Variants in CBLIF observed in about 807,000 individuals in gnomAD.
The protein encoded by CBLIF is cobalamin binding intrinsic factor, also known as gastric intrinsic factor (vitamin B synthesis).
CBLIF carries 24 observed loss-of-function variants against 44.9 expected under a neutral mutation model. The observed-to-expected ratio is 0.53, with a 90% CI of 0.39 to 0.75. The LOEUF (loss-of-function observed/expected upper bound fraction) is 0.75. Among genes scored for constraint, CBLIF ranks in the 30% least tolerant of loss-of-function variants. CBLIF has a pLI of 0.00. For synonymous variants in CBLIF, 183 were observed against 190.9 expected (o/e 0.96, Z 0.34); for missense variants, 481 against 513.0 (o/e 0.94, Z 0.60).
chr11:59,834,342 C>CCTT (rs1866424504), intron 7 of CBLIF, among the ~76,000 whole-genome samples: 1 of 104,092 alleles, frequency 9.6e-6, no homozygotes, highest in South Asian at 2.9e-4. Context: ...CTTCCTTTTT[C>CCTT]TTTCTTTCTC....
intron 8 of CBLIF, among the ~76,000 whole-genome samples, chr11:59,830,114 A>T (rs1866350824): frequency 6.6e-6 from 1 of 152,132 alleles, no homozygotes; most frequent in African/African-American, 2.4e-5. Context: ...AAAGAATGAC[A>T]GTTTCAGGCC....
chr11:59,845,256 C>G (rs1209372213), intron 1 of CBLIF, 119 bp downstream of exon 1: 1 of 1,460,638 alleles, frequency 6.8e-7, no homozygotes, highest in Non-Finnish European at 9.5e-7. Context: ...CACACTCAGA[C>G]TTACCCATTT....
rs534139600 is a variant in CBLIF at position 59,831,612 on chromosome 11, AAAAAT to A, written c.1192+61_1192+65del. On this transcript the variant is annotated intron_variant, in intron 8 of 8. Coordinates refer to ENST00000257248, the MANE Select transcript of CBLIF (RefSeq NM_005142.3). ...GTGAATGAATGAATAAATTAAATGA[AAAAAT>A]AATTAAAGAATGTAGCCTTCAGACT... 7.8e-4 allele frequency: 608 copies of A among 782,918 alleles called. 3 individuals carry two copies. In the African/African-American group the frequency reaches 8.8e-3, roughly 11 times the overall value. 48.5% of individuals were successfully genotyped at this position (782,918 alleles called of 1,614,324 possible). A position where few individuals can be genotyped will look rare whatever the true frequency, so the allele number is the denominator to read the frequency against.
Position 59,835,883 on chromosome 11 carries a change from A to G in CBLIF, c.998T>C (p.Ile333Thr), listed in dbSNP as rs2135088293. ...RGVELLFNETINVSVKSGSVL... is the reference protein window; with the variant it reads ...RGVELLFNETTNVSVKSGSVL... ...TGACCCACTTTTCACACTAACATTGATGGTCTCGTTGAAGAGCAGCTCAAC... is the reference window on the plus strand; with the variant it reads ...TGACCCACTTTTCACACTAACATTGGTGGTCTCGTTGAAGAGCAGCTCAAC... Residue 333 changes from isoleucine (I) to threonine (T), a missense_variant, in exon 7 of 9, where the codon ATC (isoleucine) becomes ACC (threonine). Transcript: ENST00000257248. 6.2e-7 allele frequency: 1 copy of G among 1,614,048 alleles called. No individual in the cohort carries two copies. The highest frequency in any genetic ancestry group is 1.7e-5 in the Admixed American group (1 of 60,016).
chr11:59,830,233 CTT>C (rs530371257), intron 8 of CBLIF, among the ~76,000 whole-genome samples: 12 of 123,286 alleles, frequency 9.7e-5, no homozygotes, highest in African/African-American at 1.2e-4. Context: ...CAATTACTTT[CTT>C]TTTTTTTTTT....
rs1467195899 is a variant in CBLIF, at chr11:59,845,430, G to C, written c.24C>G (p.Leu8=). MAWFALY[L]LSLLWATAGT... is the part of the protein sequence containing the mutation. ...CAGCTGTAGCCCAGAGAAGGCTCAG[G>C]AGGTAGAGGGCAAACCAGGCCATCT... The change falls in exon 1 of 9, where the codon CTC becomes CTG. Residue 8 remains leucine, a synonymous_variant. Coordinates refer to ENST00000257248, the MANE Select transcript of CBLIF (RefSeq NM_005142.3). The C allele has an allele frequency of 1.2e-5, 19 of 1,612,000 alleles. No homozygotes were observed. Among genetic ancestry groups the C allele is most frequent in the Non-Finnish European group, 1.6e-5 (19 of 1,178,234 alleles).
At position 59,841,341 on chromosome 11, in the gene CBLIF, G is replaced by A. The variant is rs148960211; in HGVS notation, c.512-17C>T. On this transcript the variant is annotated splice_polypyrimidine_tract_variant and intron_variant, in intron 4 of 8. Coordinates refer to ENST00000257248, the MANE Select transcript of CBLIF (RefSeq NM_005142.3). Reference sequence around the variant, plus strand: ...CTCCTGTGTCTGTGAATGACAGAGGGTATAAGATCACCATAGTCACCATCA... The same window carrying A: ...CTCCTGTGTCTGTGAATGACAGAGGATATAAGATCACCATAGTCACCATCA... 2 of 1,574,966 alleles carry A rather than the reference G, an allele frequency of 1.3e-6. No homozygotes were observed. The highest frequency in any genetic ancestry group is 1.1e-5 in the South Asian group (1 of 90,264).
chr11:59,829,646 GT>G, intron 8 of CBLIF, 101 bp from the exon 9 acceptor site: 1 of 749,264 alleles, frequency 1.3e-6, no homozygotes, highest in South Asian at 1.4e-5. Flanking sequence ...CCCATTAAAT[GT>G]TTTTAAAGGA....
chr11:59,838,342 G>C (rs1031034390), intron 5 of CBLIF, among the ~76,000 whole-genome samples: 3 of 152,172 alleles, frequency 2.0e-5, no homozygotes, highest in African/African-American at 7.2e-5. Flanking sequence ...AGGGGCTAAT[G>C]TATAAAAGCA....
intron 4 of CBLIF, among the ~76,000 whole-genome samples, chr11:59,841,888 A>C (rs1866534610): frequency 1.3e-5 from 2 of 152,140 alleles, no homozygotes; most frequent in Admixed American, 6.5e-5. Context: ...CAGAAGGAGG[A>C]CATGATGTTG....
chr11:59,831,937 T>G, intron 7 of CBLIF, 141 bp from the exon 8 acceptor site: 1 of 662,960 alleles, frequency 1.5e-6, no homozygotes, highest in Non-Finnish European at 2.8e-6. Context: ...CCCAGGCTAG[T>G]GGTGAGATCC....
At chr11:59,844,811 C>A (rs528433923) in intron 1 of CBLIF, among the ~76,000 whole-genome samples, 12 of 152,190 alleles carry the variant, frequency 7.9e-5, no homozygotes, top group Admixed American at 5.9e-4. Flanking sequence ...GTACCATCAA[C>A]CATTATTCCT....
intron 7 of CBLIF, among the ~76,000 whole-genome samples, chr11:59,834,264 C>CTT (rs1306742039): frequency 8.3e-6 from 1 of 120,430 alleles, no homozygotes; most frequent in African/African-American, 3.1e-5. Flanking sequence ...TTCTTTCTTT[C>CTT]TTTCTTTCTT....
In CBLIF at chr11:59,837,190, CT is replaced by C; in HGVS notation, c.854del (p.Gln285ArgfsTer34). On this transcript the variant is annotated frameshift_variant, in exon 6 of 9. Coordinates refer to ENST00000257248, the MANE Select transcript of CBLIF (RefSeq NM_005142.3). LOFTEE classifies it high-confidence loss of function. ...LKGKTYLDVPQVTCSPDHEVQ... is the reference protein window; with the variant it reads ...LKGKTYLDVPXVTCSPDHEVQ... ...ATGTCTTACCAGGACTACAAGTGAC[CT>C]GGGGCACATCTAGGTATGTCTTGCC... 1 of 1,613,944 alleles carries C rather than the reference CT, an allele frequency of 6.2e-7. No homozygotes were observed. Among genetic ancestry groups the C allele is most frequent in the Non-Finnish European group, 8.5e-7 (1 of 1,179,812 alleles).
chr11:59,831,875 CAATT>C (rs1866379996), intron 7 of CBLIF, 79 bp from the exon 8 acceptor site: 2 of 765,496 alleles, frequency 2.6e-6, no homozygotes, highest in South Asian at 2.8e-5. Context: ...TAGAGACAGT[CAATT>C]AATTAATTAG....
At chr11:59,835,377 G>A (rs530180185) in intron 7 of CBLIF, among the ~76,000 whole-genome samples, 10 of 151,878 alleles carry the variant, frequency 6.6e-5, no homozygotes, top group African/African-American at 1.7e-4. Flanking sequence ...AAGATGATCC[G>A]CATGCCTCAG....
intron 7 of CBLIF, 97 bp downstream of exon 7, chr11:59,835,711 T>C: frequency 1.0e-6 from 1 of 966,192 alleles, no homozygotes; most frequent in Non-Finnish European, 1.7e-6. Flanking sequence ...TAAAAATCTG[T>C]TATCAAAAGG....
rs772233552 is a variant in CBLIF at position 59,845,403 on chromosome 11, C to A, written c.51G>T (p.Gly17=). Residue 17 remains glycine, a synonymous_variant, in exon 1 of 9, where the codon GGG becomes GGT. Coordinates refer to ENST00000257248, the MANE Select transcript of CBLIF (RefSeq NM_005142.3). ...ATGAACTCTGGGTCTGGGTACTAGTCCCAGCTGTAGCCCAGAGAAGGCTCA... is the reference window on the plus strand; with the variant it reads ...ATGAACTCTGGGTCTGGGTACTAGTACCAGCTGTAGCCCAGAGAAGGCTCA... ...YLLSLLWATA[G]TSTQTQSSCS... 1 of 1,612,582 alleles carries A rather than the reference C, an allele frequency of 6.2e-7. No individual in the cohort carries two copies. The highest frequency in any genetic ancestry group is 8.5e-7 in the Non-Finnish European group (1 of 1,178,750).
intron 7 of CBLIF, among the ~76,000 whole-genome samples, chr11:59,834,307 T>G (rs7128187): frequency 8.5e-5 from 4 of 47,014 alleles, no homozygotes; most frequent in African/African-American, 3.2e-4. Flanking sequence ...TTTCTTTCTT[T>G]CTTTCTTCCT....
Sources: allele counts gnomAD v4.1 joint callset (sites outside exome capture counted in the v4.1 genomes callset), GRCh38; gene constraint gnomAD v4.1.1; transcripts MANE v1.5; gene names NCBI Gene and HGNC (gene_info 2026-07-23, HGNC 2026-07-21).